The following ATAD1 variants were observed in gnomAD, a reference collection of about 807,000 sequenced individuals.
ATAD1 encodes the protein ATPase family AAA domain containing 1, also known as outer mitochondrial transmembrane helix translocase.
Under a neutral mutation model 42.7 loss-of-function variants are expected in ATAD1, and 18 were observed. The ratio of observed to expected loss-of-function variants is 0.42; its 90% CI spans 0.29 to 0.63. The LOEUF is 0.63. ATAD1 is among the 20% of genes least tolerant of loss of function. The pLI, the probability that ATAD1 is intolerant of heterozygous loss-of-function variation, is 0.19. For synonymous variants in ATAD1, 132 were observed against 143.1 expected, an observed-to-expected ratio of 0.92 and a Z score of 0.55; for missense variants, 294 against 440.4, an observed-to-expected ratio of 0.67 and a Z score of 2.98.
chr10:87,799,312 A>T (rs1000115990), intron 2 of ATAD1, among the ~76,000 whole-genome samples: 1 of 152,210 alleles, frequency 6.6e-6, no homozygotes, highest in African/African-American at 2.4e-5. Flanking sequence ...TGCTTGCGTA[A>T]TTGTTAATAA....
At chr10:87,816,288 G>A (rs1177312281) in intron 1 of ATAD1, among the ~76,000 whole-genome samples, 2 of 152,052 alleles carry the variant, frequency 1.3e-5, no homozygotes, top group African/African-American at 2.4e-5. Context: ...TTCAATCATT[G>A]CAACAGTCAC....
At position 87,768,676 on chromosome 10, in the gene ATAD1, G is replaced by A. The variant is rs570359887; in HGVS notation, c.781-953C>T. Among the ~76,000 whole-genome samples, 79 of 152,254 alleles carry A rather than the reference G, an allele frequency of 5.2e-4. 1 individual carries two copies. Among genetic ancestry groups the A allele is most frequent in the African/African-American group, 1.6e-3 (65 of 41,536 alleles). On this transcript the variant is annotated intron_variant, in intron 7 of 9. Transcript: ENST00000680024. ...CACTATACAAATTTATAATAAACTT[G>A]ATAAAACCTGTTACAACCCATTTTG...
chr10:87,839,395 C>T (rs1290308100), intron 1 of ATAD1, among the ~76,000 whole-genome samples: 1 of 152,176 alleles, frequency 6.6e-6, no homozygotes, highest in Admixed American at 6.5e-5. Context: ...CTTTCACATA[C>T]ATCCTGTTAA....
intron 7 of ATAD1, among the ~76,000 whole-genome samples, chr10:87,769,134 T>C (rs541594650): frequency 8.7e-4 from 133 of 152,324 alleles, no homozygotes; most frequent in African/African-American, 2.9e-3. Flanking sequence ...GGATTAGTGA[T>C]AGAGATTCTA....
Position 87,807,500 on chromosome 10 carries a change from TA to T in ATAD1, c.162+6937del, listed in dbSNP as rs1323231909. Reference sequence around the variant, plus strand: ...TTACAACCTGGCAGGGGTGAAAAGGTATATCAATTTGACTTTAATTTGCATT... The same window carrying T: ...TTACAACCTGGCAGGGGTGAAAAGGTTATCAATTTGACTTTAATTTGCATT... On this transcript the variant is annotated intron_variant, in intron 2 of 9. Coordinates refer to ENST00000680024, the MANE Select transcript of ATAD1 (RefSeq NM_001321967.2). Among the ~76,000 whole-genome samples the T allele has an allele frequency of 2.0e-5, 3 of 152,332 alleles. No homozygotes were observed. The East Asian group carries it at 5.8e-4, about 29-fold the overall frequency.
At chr10:87,803,791 G>A (rs552996094) in intron 2 of ATAD1, among the ~76,000 whole-genome samples, 14 of 152,178 alleles carry the variant, frequency 9.2e-5, no homozygotes, top group South Asian at 2.1e-4. Flanking sequence ...TTTGCGGTTC[G>A]CAGTACTATG....
chr10:87,789,633 G>A (rs566943262), intron 4 of ATAD1, among the ~76,000 whole-genome samples: 2 of 152,108 alleles, frequency 1.3e-5, no homozygotes, highest in Admixed American at 6.5e-5. Context: ...CAGGTGGGAG[G>A]ATCACTTGAG....
intron 3 of ATAD1, among the ~76,000 whole-genome samples, chr10:87,791,057 T>G (rs1451624942): frequency 7.7e-4 from 96 of 124,084 alleles, no homozygotes; most frequent in African/African-American, 3.0e-3. Flanking sequence ...AAAAAAAAAT[T>G]AACCAGGTGT....
At chr10:87,797,771 T>C (rs1589528279) in intron 2 of ATAD1, among the ~76,000 whole-genome samples, 1 of 152,260 alleles carries the variant, frequency 6.6e-6, no homozygotes, top group East Asian at 1.9e-4. Context: ...CCTACGAAGT[T>C]GTTAAGGATC....
chr10:87,795,078 T>C (rs1856317278), intron 2 of ATAD1, among the ~76,000 whole-genome samples: 1 of 152,140 alleles, frequency 6.6e-6, no homozygotes, highest in Non-Finnish European at 1.5e-5. Flanking sequence ...CCTTATTATT[T>C]AGATGAGGAA....
chr10:87,756,691 A>G (rs1342469980), intron 9 of ATAD1, 98 bp downstream of exon 9: 4 of 1,167,496 alleles, frequency 3.4e-6, no homozygotes, highest in South Asian at 4.6e-5. Flanking sequence ...CTTTTATTTC[A>G]TAAGCGGTGT....
At chr10:87,768,165 T>C (rs932185756) in intron 7 of ATAD1, among the ~76,000 whole-genome samples, 1 of 152,220 alleles carries the variant, frequency 6.6e-6, no homozygotes, top group Non-Finnish European at 1.5e-5. Flanking sequence ...TGACCACTAA[T>C]TTATATTAGT....
intron 6 of ATAD1, among the ~76,000 whole-genome samples, chr10:87,772,752 CAA>C (rs1437023758): frequency 6.6e-6 from 1 of 151,976 alleles, no homozygotes; most frequent in African/African-American, 2.4e-5. Flanking sequence ...GATGAAAAAG[CAA>C]AAGTGATTGA....
intron 9 of ATAD1, among the ~76,000 whole-genome samples, chr10:87,756,006 A>G (rs557761661): frequency 2.4e-4 from 37 of 152,348 alleles, no homozygotes; most frequent in African/African-American, 8.2e-4. Flanking sequence ...AGTAGCTTTC[A>G]TGCAGACCTT....
At chr10:87,799,783 A>AT (rs572002251) in intron 2 of ATAD1, among the ~76,000 whole-genome samples, 64 of 134,764 alleles carry the variant, frequency 4.7e-4, no homozygotes, top group South Asian at 3.0e-3. Flanking sequence ...GTAGAAAAAT[A>AT]TTTTTTTTTT....
intron 5 of ATAD1, among the ~76,000 whole-genome samples, chr10:87,781,083 A>G (rs887647145): frequency 4.6e-5 from 7 of 152,190 alleles, no homozygotes; most frequent in Admixed American, 3.9e-4. Flanking sequence ...CTGAGGACAG[A>G]AAAAGTACTC....
rs902734817 is a variant in ATAD1, at chr10:87,814,562, C to T, written c.38G>A (p.Arg13Gln). The T allele has an allele frequency of 8.1e-6, 13 of 1,610,800 alleles. No homozygotes were observed. Among genetic ancestry groups the T allele is most frequent in the East Asian group, 4.5e-5 (2 of 44,668 alleles). ...GAAAATTAAACCAACAACTTCATTC[C>T]GACTCAAAGGACGAGAAAAGGCTTC... The part of the protein sequence containing the change: ...HAEAFSRPLS[R>Q]NEVVGLIFRL... Residue 13 changes from arginine (R) to glutamine (Q), a missense_variant, in exon 2 of 10, where the codon CGG becomes CAG. Transcript: ENST00000680024.
chr10:87,814,329 G>T, intron 2 of ATAD1, 109 bp downstream of exon 2: 2 of 964,726 alleles, frequency 2.1e-6, no homozygotes, highest in East Asian at 5.3e-5. Flanking sequence ...ATTTTCATGT[G>T]GGTCTTATAG....
At chr10:87,819,280 A>C (rs1007692292), upstream of ATAD1, 7 of 149,820 alleles carry the variant, frequency 4.7e-5, no homozygotes, top group Admixed American at 2.7e-4. Context: ...AAAAAAAAAA[A>C]AAAAAAAAAA....
Sources: gnomAD v4.1 joint callset for allele counts (sites outside exome capture counted in the v4.1 genomes callset) on GRCh38, gnomAD v4.1.1 for gene constraint, MANE v1.5 for transcripts, NCBI Gene and HGNC (gene_info 2026-07-23, HGNC 2026-07-21) for gene names.